FMN1: variants seen among roughly 807,000 people sequenced by gnomAD.
The protein encoded by FMN1 is formin-1.
In FMN1, 110 loss-of-function variants were observed where a neutral mutation model predicts 132.4. That is an observed-to-expected ratio of 0.83 (90% CI 0.71 to 0.97). The LOEUF (loss-of-function observed/expected upper bound fraction) is 0.97. Among genes scored for constraint, FMN1 ranks in the 50% least tolerant of loss-of-function variants. The pLI is 0.00. For synonymous variants in FMN1, 722 were observed against 651.7 expected, an observed-to-expected ratio of 1.11 and a Z score of -1.64; for missense variants, 1,792 against 1,705.3, an observed-to-expected ratio of 1.05 and a Z score of -0.90.
At position 32,767,148 on chromosome 15, in the gene FMN1, C is replaced by T. The variant is rs1011346102; in HGVS notation, c.*7162G>A. 1.3e-5 allele frequency: 2 copies of T among 152,166 alleles called. No homozygotes were observed. Among genetic ancestry groups the T allele is most frequent in the African/African-American group, 4.8e-5 (2 of 41,422 alleles). 9.4% of individuals were successfully genotyped at this position (152,166 alleles called of 1,614,324 possible). A position where few individuals can be genotyped will look rare whatever the true frequency, so the allele number is the denominator to read the frequency against. On this transcript the variant is annotated 3_prime_UTR_variant, in exon 21 of 21. Coordinates refer to ENST00000616417, the MANE Select transcript of FMN1 (RefSeq NM_001277313.2). ...CGACCATGGCAAAAAATCACCAGCTCCCTAACAATGTAATCTATCAGCAAA... is the reference window on the plus strand; with the variant it reads ...CGACCATGGCAAAAAATCACCAGCTTCCTAACAATGTAATCTATCAGCAAA...
At chr15:33,109,025 ATAAAC>A (rs1206501655) in intron 4 of FMN1, among the ~76,000 whole-genome samples, 1 of 152,092 alleles carries the variant, frequency 6.6e-6, no homozygotes, top group African/African-American at 2.4e-5. Context: ...TAACCCAAGA[ATAAAC>A]TAAACAACCT....
chr15:33,154,978 G>A lies in FMN1; in HGVS notation c.-64C>T. On this transcript the variant is annotated 5_prime_UTR_variant, in exon 4 of 21. Transcript: ENST00000616417. ...TTGTGGTCAGGCTTCCCAGGCTCCA[G>A]TGGTGAGGCATGTGATGGTGGCTAT... 1.5e-6 allele frequency: 2 copies of A among 1,350,230 alleles called. No homozygotes were observed. The highest frequency in any genetic ancestry group is 2.0e-6 in the Non-Finnish European group (2 of 1,007,100). The allele number at this position is 1,350,230 out of a possible 1,614,324, so 83.6% of individuals were successfully genotyped here.
At chr15:33,082,163 T>A (rs1244067326) in intron 5 of FMN1, among the ~76,000 whole-genome samples, 5 of 150,464 alleles carry the variant, frequency 3.3e-5, no homozygotes, top group Non-Finnish European at 7.4e-5. Flanking sequence ...CACCTCTGCC[T>A]CCCAGTTCAA....
intron 6 of FMN1, among the ~76,000 whole-genome samples, chr15:33,035,295 T>C (rs2036137698): frequency 6.6e-6 from 1 of 152,224 alleles, no homozygotes; most frequent in Non-Finnish European, 1.5e-5. Flanking sequence ...AGTCATAGTC[T>C]ATCTATATTC....
chr15:32,937,646 A>T (rs2061308897), intron 9 of FMN1, among the ~76,000 whole-genome samples: 1 of 152,194 alleles, frequency 6.6e-6, no homozygotes, highest in Admixed American at 6.5e-5. Context: ...GGTTCCACCA[A>T]ATATGCTCCC....
chr15:32,784,285 T>C (rs1003474973), intron 19 of FMN1, among the ~76,000 whole-genome samples: 1 of 152,202 alleles, frequency 6.6e-6, no homozygotes, highest in Non-Finnish European at 1.5e-5. Flanking sequence ...CAGATGCCAA[T>C]GTTGGCAAGC....
chr15:32,986,106 T>TGG (rs1193033491), intron 7 of FMN1, among the ~76,000 whole-genome samples: 1 of 152,100 alleles, frequency 6.6e-6, no homozygotes, highest in African/African-American at 2.4e-5. Context: ...TTCTTTGTGG[T>TGG]GGCAAGGCTC....
At position 32,795,590 on chromosome 15, in the gene FMN1, GGT is replaced by G. The variant is rs968210917; in HGVS notation, c.4130+3212_4130+3213del. ...CAAGATCACATAGCCAATTAATGGGGGTGGGGGGGTGGCAGGGTGAAGGGTAA... is the reference window on the plus strand; with the variant it reads ...CAAGATCACATAGCCAATTAATGGGGGGGGGGGTGGCAGGGTGAAGGGTAA... On this transcript the variant is annotated intron_variant, in intron 19 of 20. Transcript: ENST00000616417. Among the ~76,000 whole-genome samples, 34 of 151,758 alleles carry G rather than the reference GGT, an allele frequency of 2.2e-4. 2 individuals are homozygous for G. The highest frequency in any genetic ancestry group is 6.1e-4 in the African/African-American group (25 of 41,218).
chr15:32,792,028 T>C lies in FMN1; in HGVS notation c.4130+6776A>G, dbSNP rs547068028. Among the ~76,000 whole-genome samples, 9 of 152,066 alleles carry C rather than the reference T, an allele frequency of 5.9e-5. No individual in the cohort carries two copies. The South Asian group carries it at 1.7e-3, about 28-fold the overall frequency. On this transcript the variant is annotated intron_variant, in intron 19 of 20. Transcript: ENST00000616417. Reference sequence around the variant, plus strand: ...GAAAAGAGGAACACTGAGATTTACCTTGGGGAAGGCCCACACTTAAGGAAC... The same window carrying C: ...GAAAAGAGGAACACTGAGATTTACCCTGGGGAAGGCCCACACTTAAGGAAC...
At chr15:32,945,492 C>T (rs541614574) in intron 9 of FMN1, among the ~76,000 whole-genome samples, 1 of 152,094 alleles carries the variant, frequency 6.6e-6, no homozygotes, top group African/African-American at 2.4e-5. Flanking sequence ...AAACTTCAAC[C>T]CAGTCTCACA....
chr15:33,151,006 G>C (rs775362696), intron 4 of FMN1: 8 of 1,133,222 alleles, frequency 7.1e-6, no homozygotes, highest in Non-Finnish European at 8.7e-6. Context: ...CTGGAAGCAG[G>C]AAACTTCTCC....
rs112911955 is a variant in FMN1 at position 33,049,328 on chromosome 15, T to A, written c.2161+15629A>T. Among the ~76,000 whole-genome samples the A allele has an allele frequency of 9.6e-3, 1,460 of 152,308 alleles. 24 individuals are homozygous for A. The highest frequency in any genetic ancestry group is 0.032 in the African/African-American group (1,324 of 41,564). Reference sequence around the variant, plus strand: ...GAAGTCACTTGTGGTAAATGTGACATTATCAAACTGAGACTTTAAGGAAAC... The same window carrying A: ...GAAGTCACTTGTGGTAAATGTGACAATATCAAACTGAGACTTTAAGGAAAC... On this transcript the variant is annotated intron_variant, in intron 6 of 20. Transcript: ENST00000616417.
At chr15:32,798,711 C>T (rs1460887751) in intron 19 of FMN1, 93 bp downstream of exon 19, 11 of 1,138,450 alleles carry the variant, frequency 9.7e-6, no homozygotes, top group Middle Eastern at 2.5e-4. Flanking sequence ...AAGAAAACAT[C>T]GACAGGTGTG....
At chr15:32,867,700 C>A (rs1343196319) in intron 16 of FMN1, among the ~76,000 whole-genome samples, 1 of 152,164 alleles carries the variant, frequency 6.6e-6, no homozygotes, top group Non-Finnish European at 1.5e-5. Context: ...ACCATGTTAG[C>A]CGGGATGGTC....
At chr15:33,021,865 G>A (rs1007345492) in intron 6 of FMN1, among the ~76,000 whole-genome samples, 1 of 152,084 alleles carries the variant, frequency 6.6e-6, no homozygotes, top group Non-Finnish European at 1.5e-5. Flanking sequence ...CTACCTATGT[G>A]GTTTTTAAAA....
intron 5 of FMN1, among the ~76,000 whole-genome samples, chr15:33,080,312 G>A (rs1352942353): frequency 6.6e-6 from 1 of 152,218 alleles, no homozygotes; most frequent in East Asian, 1.9e-4. Context: ...TAGGAGTGAA[G>A]GAAGGTGGAA....
At position 33,126,296 on chromosome 15, in the gene FMN1, C is replaced by G. The variant is rs187847562; in HGVS notation, c.1867+26752G>C. On this transcript the variant is annotated intron_variant, in intron 4 of 20. Transcript: ENST00000616417. The stretch of plus-strand genomic sequence containing the variant: ...CACCACTGTGAGGCAGGTACGGCAC[C>G]AGGCCCTCATGGATGGGCAACAGTC... 2.5e-3 allele frequency among the ~76,000 whole-genome samples: 388 copies of G among 152,222 alleles called. 1 individual carries two copies. The highest frequency in any genetic ancestry group is 8.6e-3 in the African/African-American group (358 of 41,530).
chr15:33,021,763 T>G (rs941947272), intron 6 of FMN1, among the ~76,000 whole-genome samples: 1 of 152,242 alleles, frequency 6.6e-6, no homozygotes, highest in East Asian at 1.9e-4. Context: ...TGTTCTTTTC[T>G]GTTACCCTTG....
chr15:33,097,072 T>C (rs2039112908), intron 4 of FMN1, among the ~76,000 whole-genome samples: 1 of 151,920 alleles, frequency 6.6e-6, no homozygotes, highest in East Asian at 1.9e-4. Context: ...GGTGGGTGGA[T>C]CACTTAAGCT....
Sources: gnomAD v4.1 joint callset for allele counts (sites outside exome capture counted in the v4.1 genomes callset) on GRCh38, gnomAD v4.1.1 for gene constraint, MANE v1.5 for transcripts, NCBI Gene and HGNC (gene_info 2026-07-23, HGNC 2026-07-21) for gene names.